XK: variants seen among roughly 807,000 people sequenced by gnomAD.
XK encodes endoplasmic reticulum membrane adapter protein XK.
A neutral mutation model predicts 14.0 loss-of-function variants in XK; 2 were observed. The ratio of observed to expected loss-of-function variants is 0.14; its 90% CI spans 0.06 to 0.45. The LOEUF (loss-of-function observed/expected upper bound fraction) is 0.45. Ranked by LOEUF, XK falls within the 20% of genes least tolerant of loss-of-function variation. The probability of loss-of-function intolerance (pLI) is 0.98; values close to 1 mark genes in which losing one functional copy is unlikely to be tolerated. For synonymous variants in XK, 149 were observed against 147.5 expected, an observed-to-expected ratio of 1.01 and a Z score of -0.08; for missense variants, 235 against 341.5, an observed-to-expected ratio of 0.69 and a Z score of 2.46.
At chrX:37,703,449 C>T (rs782102021) in intron 2 of XK, among the ~76,000 whole-genome samples, 4 of 112,122 alleles carry the variant, frequency 3.6e-5, no homozygotes, top group Non-Finnish European at 7.5e-5. Context: ...TTCTGGTCTC[C>T]TACAGTGTAG....
chrX:37,726,890 A>G (rs1433142332), intron 2 of XK, among the ~76,000 whole-genome samples: 2 of 112,183 alleles, frequency 1.8e-5, no homozygotes, highest in Non-Finnish European at 3.8e-5. Context: ...TCAGTTTAAA[A>G]GATCCTGCAG....
At chrX:37,698,543 CAAAAAAA>C (rs35497516) in intron 2 of XK, among the ~76,000 whole-genome samples, 9 of 27,003 alleles carry the variant, frequency 3.3e-4, no homozygotes, top group Non-Finnish European at 5.6e-4. Flanking sequence ...GACCTTGCCT[CAAAAAAA>C]AAAAAAAAAA....
chrX:37,686,159 C>G lies in XK; in HGVS notation c.198C>G (p.Arg66=). 1 of 1,209,094 alleles carries G rather than the reference C, an allele frequency of 8.3e-7. No individual in the cohort carries two copies. Residue 66 remains arginine, a synonymous_variant, in exon 1 of 3, where the codon CGC becomes CGG. Coordinates refer to ENST00000378616, the MANE Select transcript of XK (RefSeq NM_021083.4). ...TACACCGCGACCTCAGCCGCGACCG[C>G]CCGCTCGTACTGCTGCTGCACCTGC... ...LFVHRDLSRD[R]PLVLLLHLLQ...
chrX:37,713,049 C>G (rs1556447065), intron 2 of XK, among the ~76,000 whole-genome samples: 2 of 111,348 alleles, frequency 1.8e-5, no homozygotes, highest in African/African-American at 3.3e-5. Flanking sequence ...GACCATGTAT[C>G]CATTATGTAT....
At chrX:37,698,222 T>C (rs1240851512) in intron 2 of XK, among the ~76,000 whole-genome samples, 1 of 111,868 alleles carries the variant, frequency 8.9e-6, no homozygotes, top group African/African-American at 3.3e-5. Flanking sequence ...TCATGAACCC[T>C]TGATTTGTGC....
chrX:37,710,291 T>C (rs1556446433), intron 2 of XK, among the ~76,000 whole-genome samples: 1 of 112,293 alleles, frequency 8.9e-6, no homozygotes, highest in Non-Finnish European at 1.9e-5. Context: ...GTGCTCTGGA[T>C]TCACCTATGA....
At chrX:37,717,847 A>G (rs1233058743) in intron 2 of XK, among the ~76,000 whole-genome samples, 1 of 111,912 alleles carries the variant, frequency 8.9e-6, no homozygotes, top group Non-Finnish European at 1.9e-5. Context: ...AGGGTATCAT[A>G]CTGGTTATAT....
chrX:37,711,976 A>G (rs1556446815), intron 2 of XK, among the ~76,000 whole-genome samples: 4 of 111,463 alleles, frequency 3.6e-5, no homozygotes, highest in Non-Finnish European at 3.8e-5. Flanking sequence ...TAAAAAAAAC[A>G]ATTGTAGTAG....
Position 37,685,833 on chromosome X carries a change from C to T in XK, c.-129C>T. ...GCCGGGCCCGCGTGCCCTCGGCGGG[C>T]TGCGCAGAGCGCGGGAGCGGTTTGG... is the stretch of plus-strand genomic sequence containing the variant. On this transcript the variant is annotated 5_prime_UTR_variant, in exon 1 of 3. Coordinates refer to ENST00000378616, the MANE Select transcript of XK (RefSeq NM_021083.4). 1 of 654,701 alleles carries T rather than the reference C, an allele frequency of 1.5e-6. No individual in the cohort carries two copies. The highest frequency in any genetic ancestry group is 2.5e-5 in the African/African-American group (1 of 40,268). The allele number at this position is 654,701 out of a possible 1,213,427, so 54.0% of individuals were successfully genotyped here. A position where few individuals can be genotyped will look rare whatever the true frequency, so the allele number is the denominator to read the frequency against.
At chrX:37,690,550 T>C (rs782158325) in intron 1 of XK, among the ~76,000 whole-genome samples, 120 of 111,722 alleles carry the variant, frequency 1.1e-3, no homozygotes, top group Middle Eastern at 9.3e-3. Context: ...AAGTAAAAAA[T>C]AAGGATCAAC....
chrX:37,729,182 A>T lies in XK; in HGVS notation c.*720A>T, dbSNP rs781982122. 7.2e-5 allele frequency: 8 copies of T among 111,282 alleles called. No homozygotes were observed. The South Asian group carries it at 3.0e-3, about 42-fold the overall frequency. The allele number at this position is 111,282 out of a possible 1,213,427, so 9.2% of individuals were successfully genotyped here. Reference sequence around the variant, plus strand: ...TGTGATTCTTTGATATGTTGATGAAATTCTGGATCAGGAGGGGTGTTAAAA... The same window carrying T: ...TGTGATTCTTTGATATGTTGATGAATTTCTGGATCAGGAGGGGTGTTAAAA... On this transcript the variant is annotated 3_prime_UTR_variant, in exon 3 of 3. Transcript: ENST00000378616.
At chrX:37,694,194 T>A in intron 1 of XK, 92 bp from the exon 2 acceptor site, 1 of 1,136,536 alleles carries the variant, frequency 8.8e-7, no homozygotes, top group Non-Finnish European at 1.2e-6. Context: ...AAGTCAAGGC[T>A]TTAAGAATCA....
At chrX:37,705,618 C>T (rs1556444950) in intron 2 of XK, among the ~76,000 whole-genome samples, 1 of 111,463 alleles carries the variant, frequency 9.0e-6, no homozygotes, top group South Asian at 3.8e-4. Flanking sequence ...GGGGCACTGA[C>T]AAATCTCTAG....
intron 1 of XK, among the ~76,000 whole-genome samples, chrX:37,692,040 G>T (rs1227352262): frequency 1.2e-4 from 13 of 111,352 alleles, no homozygotes; most frequent in African/African-American, 4.2e-4. Context: ...TTGATGTTAA[G>T]GAATGTATAA....
intron 2 of XK, among the ~76,000 whole-genome samples, chrX:37,709,907 A>G (rs781843098): frequency 1.3e-4 from 14 of 111,945 alleles, no homozygotes; most frequent in Non-Finnish European, 2.6e-4. Context: ...TGTAGCTTCA[A>G]TTCTTCAATT....
At chrX:37,692,894 T>C (rs1927229032) in intron 1 of XK, among the ~76,000 whole-genome samples, 1 of 111,888 alleles carries the variant, frequency 8.9e-6, no homozygotes, top group Admixed American at 9.5e-5. Flanking sequence ...TGTGTGGTTT[T>C]ACATTGTTTT....
chrX:37,705,297 A>T (rs1434552727), intron 2 of XK, among the ~76,000 whole-genome samples: 1 of 109,742 alleles, frequency 9.1e-6, no homozygotes, highest in Non-Finnish European at 1.9e-5. Flanking sequence ...TACAAAAAAA[A>T]AAAAATTAGC....
At chrX:37,707,560 C>A (rs1490014718) in intron 2 of XK, among the ~76,000 whole-genome samples, 2 of 110,265 alleles carry the variant, frequency 1.8e-5, no homozygotes, top group Non-Finnish European at 3.8e-5. Context: ...GGGCTCCTCA[C>A]TTCTCAGACG....
chrX:37,713,659 T>C (rs1349416916), intron 2 of XK, among the ~76,000 whole-genome samples: 1 of 110,149 alleles, frequency 9.1e-6, no homozygotes, highest in Non-Finnish European at 1.9e-5. Flanking sequence ...TTGGGTCACA[T>C]GTCCATGCCA....
Sources: allele counts gnomAD v4.1 joint callset (sites outside exome capture counted in the v4.1 genomes callset), GRCh38; gene constraint gnomAD v4.1.1; transcripts MANE v1.5; gene names NCBI Gene and HGNC (gene_info 2026-07-23, HGNC 2026-07-21).